Variants in CNTNAP5 observed in about 807,000 individuals in gnomAD.
The protein encoded by CNTNAP5 is contactin associated protein family member 5.
A neutral mutation model predicts 150.2 loss-of-function variants in CNTNAP5; 72 were observed. That is an observed-to-expected ratio of 0.48 (90% CI 0.40 to 0.58). CNTNAP5 has a LOEUF of 0.58. Ranked by LOEUF, CNTNAP5 falls within the 20% of genes least tolerant of loss-of-function variation. CNTNAP5 has a pLI of 0.00. For synonymous variants in CNTNAP5, 672 were observed against 619.8 expected (o/e 1.08, Z -1.25); for missense variants, 1,636 against 1,626.2 (o/e 1.01, Z -0.10).
intron 13 of CNTNAP5, among the ~76,000 whole-genome samples, chr2:124,733,994 C>A (rs1573581042): frequency 6.6e-6 from 1 of 151,964 alleles, no homozygotes; most frequent in East Asian, 1.9e-4. Context: ...TGTGTGAAGC[C>A]TGAGTAGGAA....
At chr2:124,496,512 G>T (rs2104855268) in intron 7 of CNTNAP5, among the ~76,000 whole-genome samples, 1 of 152,236 alleles carries the variant, frequency 6.6e-6, no homozygotes, top group Admixed American at 6.5e-5. Context: ...GGGTGTTGTG[G>T]CGTCTAGATG....
intron 10 of CNTNAP5, among the ~76,000 whole-genome samples, chr2:124,540,514 T>G (rs1695352582): frequency 6.6e-6 from 1 of 152,214 alleles, no homozygotes; most frequent in African/African-American, 2.4e-5. Context: ...GTCATTCATT[T>G]ATGAACATTT....
At chr2:124,733,147 A>AACAC (rs200087712) in intron 13 of CNTNAP5, among the ~76,000 whole-genome samples, 1 of 151,202 alleles carries the variant, frequency 6.6e-6, no homozygotes, top group African/African-American at 2.4e-5. Flanking sequence ...GTATATTCTA[A>AACAC]ACACACACAC....
chr2:124,140,210 G>T (rs1684082312), intron 1 of CNTNAP5, among the ~76,000 whole-genome samples: 1 of 149,952 alleles, frequency 6.7e-6, no homozygotes, highest in African/African-American at 2.4e-5. Context: ...CGAGGCTGGG[G>T]GAGGGGCGCC....
chr2:124,787,512 G>T (rs968496402), intron 17 of CNTNAP5, among the ~76,000 whole-genome samples: 1 of 152,130 alleles, frequency 6.6e-6, no homozygotes. Context: ...ACTTCAGAAT[G>T]CAAGACGAGA....
rs10540154 is a variant in CNTNAP5, at chr2:124,619,908, C to CATAT, written c.1876+10013_1876+10016dup. 9.5e-3 allele frequency among the ~76,000 whole-genome samples: 1,097 copies of CATAT among 115,432 alleles called. 70 individuals are homozygous for CATAT. Among genetic ancestry groups the CATAT allele is most frequent in the African/African-American group, 0.039 (856 of 21,846 alleles). The allele number at this position is 115,432 out of a possible 152,430, so 75.7% of individuals were successfully genotyped here. Reference sequence around the variant, plus strand: ...ATACTCCTTCTCTCACTGTCTCATTCATATATATATATATATATATATATA... The same window carrying CATAT: ...ATACTCCTTCTCTCACTGTCTCATTCATATATATATATATATATATATATATATA... On this transcript the variant is annotated intron_variant, in intron 12 of 23. Transcript: ENST00000682447.
At chr2:124,069,796 T>G (rs1439892532) in intron 1 of CNTNAP5, among the ~76,000 whole-genome samples, 1 of 152,158 alleles carries the variant, frequency 6.6e-6, no homozygotes, top group Non-Finnish European at 1.5e-5. Flanking sequence ...TAAAGGGAGT[T>G]CCTCAATCTG....
At chr2:124,315,963 A>G (rs758833324) in intron 3 of CNTNAP5, among the ~76,000 whole-genome samples, 5 of 152,220 alleles carry the variant, frequency 3.3e-5, no homozygotes, top group Non-Finnish European at 7.3e-5. Flanking sequence ...AAGTCCTGAT[A>G]TAACTACTGC....
At chr2:124,706,668 A>G (rs1679644084) in intron 13 of CNTNAP5, among the ~76,000 whole-genome samples, 2 of 151,230 alleles carry the variant, frequency 1.3e-5, no homozygotes, top group African/African-American at 4.9e-5. Flanking sequence ...AATGACTTGA[A>G]CCTGGGAGGT....
At chr2:124,076,383 C>G (rs1330785507) in intron 1 of CNTNAP5, among the ~76,000 whole-genome samples, 2 of 152,108 alleles carry the variant, frequency 1.3e-5, no homozygotes, top group East Asian at 3.9e-4. Context: ...AGACTGTTTT[C>G]AAAGACTATA....
chr2:124,216,636 G>A lies in CNTNAP5; in HGVS notation c.83-5069G>A, dbSNP rs139217595. Among the ~76,000 whole-genome samples the A allele has an allele frequency of 3.0e-3, 449 of 152,104 alleles. 1 individual carries two copies. The highest frequency in any genetic ancestry group is 3.5e-3 in the Non-Finnish European group (236 of 67,996). On this transcript the variant is annotated intron_variant, in intron 1 of 23. Coordinates refer to ENST00000682447, the MANE Select transcript of CNTNAP5 (RefSeq NM_001367498.1). Reference sequence around the variant, plus strand: ...TTCCCACCTATGAGTGAGAACATGCGGTGTTTGGTTTTTTGTCCTTGCGAT... The same window carrying A: ...TTCCCACCTATGAGTGAGAACATGCAGTGTTTGGTTTTTTGTCCTTGCGAT...
intron 2 of CNTNAP5, among the ~76,000 whole-genome samples, chr2:124,227,507 C>A (rs1212540680): frequency 6.6e-6 from 1 of 151,802 alleles, no homozygotes; most frequent in Non-Finnish European, 1.5e-5. Flanking sequence ...ATTTTAATTC[C>A]CAGGGAATAG....
intron 1 of CNTNAP5, among the ~76,000 whole-genome samples, chr2:124,165,165 G>A (rs954001831): frequency 2.0e-5 from 3 of 152,114 alleles, no homozygotes; most frequent in African/African-American, 7.2e-5. Flanking sequence ...TTTCTAACAG[G>A]GCAGCTAATG....
At chr2:124,434,435 C>T (rs1692472085) in intron 4 of CNTNAP5, 49 bp from the exon 5 acceptor site, 1 of 1,355,534 alleles carries the variant, frequency 7.4e-7, no homozygotes, top group Non-Finnish European at 1.1e-6. Flanking sequence ...TAACAGCAGT[C>T]ATGAGAATAT....
At chr2:124,445,959 G>A (rs1029845526) in intron 5 of CNTNAP5, among the ~76,000 whole-genome samples, 7 of 152,164 alleles carry the variant, frequency 4.6e-5, no homozygotes, top group East Asian at 1.9e-4. Context: ...AGAAGGAGGC[G>A]GAGGGGGAAC....
chr2:124,557,510 A>G (rs1179859078), intron 10 of CNTNAP5, among the ~76,000 whole-genome samples: 4 of 152,184 alleles, frequency 2.6e-5, no homozygotes, highest in Non-Finnish European at 1.5e-5. Flanking sequence ...CATTCACTCA[A>G]TCTACAACAA....
chr2:124,423,886 G>C (rs1477787768), intron 4 of CNTNAP5, among the ~76,000 whole-genome samples: 1 of 149,618 alleles, frequency 6.7e-6, no homozygotes, highest in South Asian at 2.1e-4. Flanking sequence ...GGATGGTCTC[G>C]ATCTCCTGAC....
intron 22 of CNTNAP5, among the ~76,000 whole-genome samples, chr2:124,906,046 G>T (rs1042539029): frequency 1.3e-5 from 2 of 152,006 alleles, no homozygotes; most frequent in African/African-American, 4.8e-5. Context: ...CCCTGAGAGG[G>T]GCAGTGTCTC....
intron 19 of CNTNAP5, among the ~76,000 whole-genome samples, chr2:124,838,492 A>G (rs1266546833): frequency 6.6e-6 from 1 of 152,184 alleles, no homozygotes; most frequent in East Asian, 1.9e-4. Context: ...ATGAAAGAAC[A>G]TAGTTTTTAT....
Sources: allele counts gnomAD v4.1 joint callset (sites outside exome capture counted in the v4.1 genomes callset), GRCh38; gene constraint gnomAD v4.1.1; transcripts MANE v1.5; gene names NCBI Gene and HGNC (gene_info 2026-07-23, HGNC 2026-07-21).